Variants in CRYBG1 observed in about 807,000 individuals in gnomAD.
The protein encoded by CRYBG1 is beta/gamma crystallin domain-containing protein 1.
Under a neutral mutation model 189.2 loss-of-function variants are expected in CRYBG1, and 139 were observed. The ratio of observed to expected loss-of-function variants is 0.73; its 90% confidence interval spans 0.64 to 0.85. The LOEUF is 0.85. CRYBG1 is among the 40% of genes least tolerant of loss of function. The pLI is 0.00. For missense variants in CRYBG1, 2,611 were observed against 2,675.8 expected (o/e 0.98, Z 0.53); for synonymous variants, 1,023 against 1,017.1 (o/e 1.01, Z -0.11).
Position 106,520,781 on chromosome 6 carries a change from T to C in CRYBG1, c.3573T>C (p.Arg1191=). ...CAAAATCCAAACTGAGACCCAAACG[T>C]GCATCTGCTGAACAGAGCGTCCTCT... ...LDTKSKLRPK[R]ASAEQSVLFK... The change falls in exon 4 of 22, where the codon CGT becomes CGC. Residue 1191 remains arginine (R), a synonymous_variant. Transcript: ENST00000633556. 6.2e-7 allele frequency: 1 copy of C among 1,614,182 alleles called. No individual in the cohort carries two copies. Among genetic ancestry groups the C allele is most frequent in the Non-Finnish European group, 8.5e-7 (1 of 1,180,034 alleles).
intron 1 of CRYBG1, among the ~76,000 whole-genome samples, chr6:106,417,818 G>A (rs1239177723): frequency 6.6e-6 from 1 of 152,244 alleles, no homozygotes; most frequent in Non-Finnish European, 1.5e-5. Flanking sequence ...ACCTTGAGGG[G>A]AACATGCTGT....
At chr6:106,464,680 C>T (rs1454102490) in intron 2 of CRYBG1, among the ~76,000 whole-genome samples, 1 of 152,122 alleles carries the variant, frequency 6.6e-6, no homozygotes, top group Non-Finnish European at 1.5e-5. Context: ...AAAGCATTTC[C>T]CTAGTGATGA....
rs1773758897 is a variant in CRYBG1 at position 106,527,154 on chromosome 6, G to A, written c.4413-151G>A. Reference sequence around the variant, plus strand: ...TAATTATACCCAGTAAAATATTAGTGTTAGGGAGAGTTTAAGCTATTTTAA... The same window carrying A: ...TAATTATACCCAGTAAAATATTAGTATTAGGGAGAGTTTAAGCTATTTTAA... On this transcript the variant is annotated intron_variant, in intron 6 of 21. Coordinates refer to ENST00000633556, the MANE Select transcript of CRYBG1 (RefSeq NM_001371242.2). 7.3e-6 allele frequency: 4 copies of A among 545,720 alleles called. No homozygotes were observed. In the South Asian group the frequency reaches 1.5e-4, roughly 20 times the overall value. The allele number at this position is 545,720 out of a possible 1,614,324, so 33.8% of individuals were successfully genotyped here. A position where few individuals can be genotyped will look rare whatever the true frequency, so the allele number is the denominator to read the frequency against.
chr6:106,444,409 C>G (rs544746739), intron 1 of CRYBG1, among the ~76,000 whole-genome samples: 1 of 152,184 alleles, frequency 6.6e-6, no homozygotes, highest in Admixed American at 6.5e-5. Flanking sequence ...AAAACCGAGC[C>G]GTTCCTTGAG....
chr6:106,536,536 C>G (rs1362053807), intron 8 of CRYBG1, among the ~76,000 whole-genome samples: 1 of 152,190 alleles, frequency 6.6e-6, no homozygotes, highest in Non-Finnish European at 1.5e-5. Context: ...TAAGATCCAT[C>G]TGGAAGTGCT....
At chr6:106,549,017 G>A (rs545264077) in intron 13 of CRYBG1, among the ~76,000 whole-genome samples, 8 of 151,250 alleles carry the variant, frequency 5.3e-5, no homozygotes, top group Non-Finnish European at 8.8e-5. Context: ...CCTTGCGATC[G>A]TTTGCTGAGA....
At position 106,525,359 on chromosome 6, in the gene CRYBG1, T is replaced by C. The variant is rs184010756; in HGVS notation, c.4385T>C (p.Val1462Ala). ...TGCAGTTCTTGGAGCCTCTCTCCAG[T>C]GATACTCATAAAAGTTGTTAGAGGA... ...QDCSSWSLSPVILIKVVRGCW... is the reference protein window; with the variant it reads ...QDCSSWSLSPAILIKVVRGCW... The change falls in exon 6 of 22, where the codon GTG (valine) becomes GCG (alanine). Residue 1462 changes from valine to alanine, a missense_variant. Physicochemically the swap from Val to Ala is moderately conservative, Grantham distance 64 (BLOSUM62 0). Around this residue, in one of 3 missense-constraint regions of CRYBG1, gnomAD observed 1,622 missense variants for 1,735.0 expected, o/e 0.93. Transcript: ENST00000633556. 1.9e-6 allele frequency: 3 copies of C among 1,614,092 alleles called. No homozygotes were observed. The highest frequency in any genetic ancestry group is 2.5e-6 in the Non-Finnish European group (3 of 1,179,948).
In CRYBG1 at chr6:106,483,174, ACT is replaced by A. The variant is rs552601433; in HGVS notation, c.313-28251_313-28250del. On this transcript the variant is annotated intron_variant, in intron 2 of 21. Coordinates refer to ENST00000633556, the MANE Select transcript of CRYBG1 (RefSeq NM_001371242.2). The stretch of plus-strand genomic sequence containing the variant: ...TCCAATCTCTGTCAGCCACTGTTCT[ACT>A]CTCTGCTTCTATGTTATCTACTCTT... 4.8e-3 allele frequency among the ~76,000 whole-genome samples: 719 copies of A among 151,142 alleles called. 5 individuals carry two copies. Among genetic ancestry groups the A allele is most frequent in the African/African-American group, 0.016 (679 of 41,258 alleles).
At chr6:106,490,358 G>A (rs78651536) in intron 2 of CRYBG1, among the ~76,000 whole-genome samples, 20 of 152,256 alleles carry the variant, frequency 1.3e-4, no homozygotes, top group East Asian at 7.7e-4. Context: ...CTTAGTTTAG[G>A]GGGGAGCAGT....
rs1479598316 is a variant in CRYBG1, at chr6:106,520,180, G to T, written c.2972G>T (p.Ser991Ile). 1 of 1,614,160 alleles carries T rather than the reference G, an allele frequency of 6.2e-7. No individual in the cohort carries two copies. Among genetic ancestry groups the T allele is most frequent in the Non-Finnish European group, 8.5e-7 (1 of 1,180,036 alleles). Residue 991 changes from serine to isoleucine, a missense_variant, in exon 4 of 22, where the codon AGT becomes ATT. By Grantham distance (142) the Ser-to-Ile change is moderately radical. This residue lies in a region of CRYBG1 where 1,622 missense variants were observed against 1,735.0 expected (regional missense o/e 0.93). Coordinates refer to ENST00000633556, the MANE Select transcript of CRYBG1 (RefSeq NM_001371242.2). ...VREVQLPTCH[S>I]NEPEVVSVAS... ...GAAGTGCAGTTGCCAACTTGTCACA[G>T]TAATGAACCTGAAGTGGTTTCCGTT...
intron 2 of CRYBG1, among the ~76,000 whole-genome samples, chr6:106,469,650 T>G (rs1218312803): frequency 1.3e-5 from 2 of 152,254 alleles, no homozygotes; most frequent in African/African-American, 2.4e-5. Flanking sequence ...ACATTGCTTC[T>G]CTTTTCTACA....
At chr6:106,456,644 A>T (rs908442231) in intron 2 of CRYBG1, among the ~76,000 whole-genome samples, 3 of 152,186 alleles carry the variant, frequency 2.0e-5, no homozygotes, top group African/African-American at 7.2e-5. Context: ...TTTCCCAGGT[A>T]GGTGGTCACT....
At chr6:106,511,387 C>A (rs1773253538) in intron 2 of CRYBG1, 43 bp from the exon 3 acceptor site, 4 of 1,465,056 alleles carry the variant, frequency 2.7e-6, no homozygotes, top group Admixed American at 2.3e-5. Flanking sequence ...GGGAAAAACA[C>A]CAGATTCTCA....
chr6:106,481,764 C>T (rs1180183986), intron 2 of CRYBG1, among the ~76,000 whole-genome samples: 3 of 152,270 alleles, frequency 2.0e-5, no homozygotes, highest in East Asian at 3.9e-4. Context: ...CACTGAAGGC[C>T]GGCCTATCCC....
rs940147933 is a variant in CRYBG1 at position 106,360,762 on chromosome 6, C to G, written c.-147C>G. 31 of 928,802 alleles carry G rather than the reference C, an allele frequency of 3.3e-5. No individual in the cohort carries two copies. The highest frequency in any genetic ancestry group is 2.1e-4 in the East Asian group (7 of 32,860). The allele number at this position is 928,802 out of a possible 1,614,324, so 57.5% of individuals were successfully genotyped here. On this transcript the variant is annotated 5_prime_UTR_variant, in exon 1 of 22. Transcript: ENST00000633556. ...GGGTGCTGGTTCTGCAACCCGCGGC[C>G]GTCCCCCCGCATCCGCGACGAGGGG...
At chr6:106,377,615 AAG>A (rs1491379179) in intron 1 of CRYBG1, among the ~76,000 whole-genome samples, 2,481 of 145,576 alleles carry the variant, frequency 0.017, 126 homozygotes, top group South Asian at 0.044. Flanking sequence ...CATAAGTCCT[AAG>A]GTTTTATATA....
chr6:106,521,547 T>A, intron 4 of CRYBG1, 94 bp downstream of exon 4: 2 of 1,347,838 alleles, frequency 1.5e-6, no homozygotes, highest in Non-Finnish European at 2.0e-6. Flanking sequence ...TTAGAAATGG[T>A]TAAGCTTATG....
Position 106,507,935 on chromosome 6 carries a change from C to T in CRYBG1, c.313-3495C>T, listed in dbSNP as rs182091812. On this transcript the variant is annotated intron_variant, in intron 2 of 21. Transcript: ENST00000633556. ...AACGAGTCTATCATTTGAAATGACA[C>T]GAGATCCCTCATTAAGAACTGCATA... Among the ~76,000 whole-genome samples the T allele has an allele frequency of 9.9e-5, 15 of 152,238 alleles. No individual in the cohort carries two copies. The East Asian group carries it at 2.5e-3, about 25-fold the overall frequency.
rs376624750 is a variant in CRYBG1 at position 106,526,597 on chromosome 6, C to G, written c.4413-708C>G. Among the ~76,000 whole-genome samples, 5 of 152,046 alleles carry G rather than the reference C, an allele frequency of 3.3e-5. No homozygotes were observed. In the East Asian group the frequency reaches 5.8e-4, roughly 18 times the overall value. On this transcript the variant is annotated intron_variant, in intron 6 of 21. Coordinates refer to ENST00000633556, the MANE Select transcript of CRYBG1 (RefSeq NM_001371242.2). ...TGTGCCAACATATTCATTGATATGA[C>G]TGTAATATGTAAGTTAAAGTCTCTC...
Sources: gnomAD v4.1 joint callset for allele counts (sites outside exome capture counted in the v4.1 genomes callset) on GRCh38, gnomAD v4.1.1 for gene constraint, gnomAD v4.1.1 regional missense constraint, MANE v1.5 for transcripts, NCBI Gene and HGNC (gene_info 2026-07-23, HGNC 2026-07-21) for gene names.